The following TSGA10 variants were observed in gnomAD, a reference collection of about 807,000 sequenced individuals.
TSGA10 encodes testis-specific gene 10 protein.
A neutral mutation model predicts 96.6 loss-of-function variants in TSGA10; 43 were observed. That is an observed-to-expected ratio of 0.44 (90% CI 0.35 to 0.57). TSGA10 has a LOEUF of 0.57. TSGA10 is among the 20% of genes least tolerant of loss of function. TSGA10 has a pLI of 0.01. For synonymous variants in TSGA10, 229 were observed against 269.9 expected, an observed-to-expected ratio of 0.85 and a Z score of 1.48; for missense variants, 703 against 834.4, an observed-to-expected ratio of 0.84 and a Z score of 1.94.
In TSGA10 at chr2:99,112,314, T is replaced by C. The variant is rs146993731; in HGVS notation, c.-139-1399A>G. ...TAGTCAAAATATGTTAGTGATTGCATCCCTCAAAAAAATAATACAAGGAGC... is the reference window on the plus strand; with the variant it reads ...TAGTCAAAATATGTTAGTGATTGCACCCCTCAAAAAAATAATACAAGGAGC... On this transcript the variant is annotated intron_variant, in intron 4 of 20. Coordinates refer to ENST00000393483, the MANE Select transcript of TSGA10 (RefSeq NM_025244.4). Among the ~76,000 whole-genome samples, 82 of 152,218 alleles carry C rather than the reference T, an allele frequency of 5.4e-4. 1 individual carries two copies. The East Asian group carries it at 0.015, about 27-fold the overall frequency.
At chr2:99,147,754 A>G (rs1376028770) in intron 1 of TSGA10, among the ~76,000 whole-genome samples, 1 of 151,824 alleles carries the variant, frequency 6.6e-6, no homozygotes, top group African/African-American at 2.4e-5. Flanking sequence ...TAGATTTAAC[A>G]GTTGTTAGCA....
intron 20 of TSGA10, among the ~76,000 whole-genome samples, chr2:99,003,874 CA>C (rs1213870487): frequency 6.6e-6 from 1 of 152,166 alleles, no homozygotes; most frequent in Non-Finnish European, 1.5e-5. Flanking sequence ...GACACTTTAA[CA>C]TCACAATTAA....
At chr2:99,035,522 G>A in intron 16 of TSGA10, 83 bp from the exon 17 acceptor site, 1 of 919,866 alleles carries the variant, frequency 1.1e-6, no homozygotes, top group South Asian at 2.1e-5. Context: ...ATGAAGTGGG[G>A]CAAATCTAAG....
In TSGA10 at chr2:99,041,321, T is replaced by C. The variant is rs2082162507; in HGVS notation, c.1405-5882A>G. Among the ~76,000 whole-genome samples the C allele has an allele frequency of 2.0e-5, 3 of 152,348 alleles. No individual in the cohort carries two copies. The South Asian group carries it at 6.2e-4, about 32-fold the overall frequency. On this transcript the variant is annotated intron_variant, in intron 16 of 20. Coordinates refer to ENST00000393483, the MANE Select transcript of TSGA10 (RefSeq NM_025244.4). The stretch of plus-strand genomic sequence containing the variant: ...CCTTGCTGAGGGAATTAAATTTATG[T>C]TCAAGTGCTATTTCTTTGCGACACC...
chr2:99,128,486 G>A lies in TSGA10; in HGVS notation c.-620-1310C>T, dbSNP rs146280154. ...AGAGCAGTACTGTTCAATTTTTACT[G>A]AATTTAAGAATCATCTGGGAATGTT... On this transcript the variant is annotated intron_variant, in intron 1 of 20. Coordinates refer to ENST00000393483, the MANE Select transcript of TSGA10 (RefSeq NM_025244.4). Among the ~76,000 whole-genome samples, 272 of 152,270 alleles carry A rather than the reference G, an allele frequency of 1.8e-3. No individual in the cohort carries two copies. The East Asian group carries it at 0.022, about 12-fold the overall frequency.
chr2:99,114,944 A>AT (rs923031758), intron 4 of TSGA10, among the ~76,000 whole-genome samples: 6 of 151,940 alleles, frequency 3.9e-5, no homozygotes, highest in South Asian at 2.1e-4. Context: ...ATATATATAT[A>AT]TTTTTTTGAG....
Position 99,088,233 on chromosome 2 carries a change from A to G in TSGA10, c.612-6836T>C, listed in dbSNP as rs149279557. ...CTGTGGTTTCTCTTTCTGTGGTTTC[A>G]GTTACCCACAGTCAACTGAAAACAG... On this transcript the variant is annotated intron_variant, in intron 10 of 20. Coordinates refer to ENST00000393483, the MANE Select transcript of TSGA10 (RefSeq NM_025244.4). 2.6e-3 allele frequency among the ~76,000 whole-genome samples: 395 copies of G among 152,322 alleles called. 2 individuals are homozygous for G. The highest frequency in any genetic ancestry group is 8.9e-3 in the African/African-American group (370 of 41,568).
chr2:99,015,292 A>G (rs1573479687), intron 20 of TSGA10, among the ~76,000 whole-genome samples: 1 of 152,214 alleles, frequency 6.6e-6, no homozygotes, highest in East Asian at 1.9e-4. Context: ...ATAATACACC[A>G]TGACCAAGTG....
At chr2:99,050,578 A>G (rs775127104) in intron 16 of TSGA10, among the ~76,000 whole-genome samples, 1 of 152,190 alleles carries the variant, frequency 6.6e-6, no homozygotes, top group Non-Finnish European at 1.5e-5. Flanking sequence ...AGTTCCATAT[A>G]TCATCAGAAT....
chr2:99,003,267 C>T (rs2078120918), intron 20 of TSGA10, among the ~76,000 whole-genome samples: 1 of 152,098 alleles, frequency 6.6e-6, no homozygotes, highest in Non-Finnish European at 1.5e-5. Context: ...ATCTATGCAC[C>T]CAATCAATAC....
At chr2:99,008,457 A>G (rs1429713799) in intron 20 of TSGA10, among the ~76,000 whole-genome samples, 2 of 152,238 alleles carry the variant, frequency 1.3e-5, no homozygotes, top group Non-Finnish European at 2.9e-5. Flanking sequence ...TTCACTCACA[A>G]TAAGAGAAAT....
chr2:99,097,690 TACAAG>T (rs1431760909), intron 10 of TSGA10, among the ~76,000 whole-genome samples: 1 of 152,110 alleles, frequency 6.6e-6, no homozygotes, highest in African/African-American at 2.4e-5. Context: ...ACAGAAAGCA[TACAAG>T]ACATTAGATT....
chr2:99,094,062 C>T (rs561560707), intron 10 of TSGA10, among the ~76,000 whole-genome samples: 17 of 152,186 alleles, frequency 1.1e-4, no homozygotes, highest in East Asian at 5.8e-4. Context: ...GGCACTTAGA[C>T]GAATGCAACA....
chr2:99,026,160 T>C (rs956352351), intron 17 of TSGA10, among the ~76,000 whole-genome samples: 1 of 152,216 alleles, frequency 6.6e-6, no homozygotes, highest in Non-Finnish European at 1.5e-5. Context: ...CTAGCTGCTC[T>C]CTTCATTATT....
chr2:99,111,693 T>C (rs925756792), intron 4 of TSGA10, among the ~76,000 whole-genome samples: 27 of 152,162 alleles, frequency 1.8e-4, no homozygotes, highest in African/African-American at 6.3e-4. Flanking sequence ...TTGCAACGTT[T>C]TTCTCACAAG....
intron 17 of TSGA10, among the ~76,000 whole-genome samples, chr2:99,030,676 A>T (rs533010452): frequency 1.1e-4 from 16 of 152,310 alleles, no homozygotes; most frequent in South Asian, 2.1e-4. Context: ...AACAAAAAAC[A>T]AAAATCAATT....
At chr2:99,103,214 G>A (rs2090969759) in intron 10 of TSGA10, among the ~76,000 whole-genome samples, 1 of 151,914 alleles carries the variant, frequency 6.6e-6, no homozygotes, top group Non-Finnish European at 1.5e-5. Flanking sequence ...GAACATGCAG[G>A]TGTGTTACAC....
intron 1 of TSGA10, among the ~76,000 whole-genome samples, chr2:99,135,452 T>C (rs2093286176): frequency 1.3e-5 from 2 of 152,202 alleles, no homozygotes; most frequent in Non-Finnish European, 2.9e-5. Flanking sequence ...ATAGAACAGT[T>C]CCTATTTGGC....
intron 16 of TSGA10, among the ~76,000 whole-genome samples, chr2:99,048,520 C>T (rs1200899823): frequency 6.6e-6 from 1 of 152,142 alleles, no homozygotes; most frequent in Non-Finnish European, 1.5e-5. Context: ...GAAAAACTGG[C>T]TAGCCATATG....
Sources: allele counts gnomAD v4.1 joint callset (sites outside exome capture counted in the v4.1 genomes callset), GRCh38; gene constraint gnomAD v4.1.1; transcripts MANE v1.5; gene names NCBI Gene and HGNC (gene_info 2026-07-23, HGNC 2026-07-21).